The following KSR2 variants were observed in gnomAD, a reference collection of about 807,000 sequenced individuals.
KSR2 encodes kinase suppressor of ras 2.
KSR2 carries 25 observed loss-of-function variants against 107.8 expected under a neutral mutation model. That is an observed-to-expected ratio of 0.23 (90% CI 0.17 to 0.32). The LOEUF is 0.32. Ranked by LOEUF, KSR2 falls within the 10% of genes least tolerant of loss-of-function variation. The probability of loss-of-function intolerance (pLI) is 1.00; values close to 1 mark genes in which losing one functional copy is unlikely to be tolerated. For synonymous variants in KSR2, 480 were observed against 507.0 expected (o/e 0.95, Z 0.71); for missense variants, 887 against 1,268.9 (o/e 0.70, Z 4.57).
intron 3 of KSR2, among the ~76,000 whole-genome samples, chr12:117,794,172 G>A (rs377164058): frequency 0.013 from 462 of 36,006 alleles, 9 homozygotes; most frequent in Middle Eastern, 0.067. Context: ...ACCAACATGC[G>A]CACACACCAA....
At chr12:117,569,717 A>C (rs1878753763) in intron 7 of KSR2, among the ~76,000 whole-genome samples, 1 of 152,190 alleles carries the variant, frequency 6.6e-6, no homozygotes, top group African/African-American at 2.4e-5. Context: ...GTCCCAGGCA[A>C]ACTGGGATGG....
chr12:117,531,725 A>T lies in KSR2; in HGVS notation c.1688-18T>A, dbSNP rs1399593319. 1 of 1,596,038 alleles carries T rather than the reference A, an allele frequency of 6.3e-7. No individual in the cohort carries two copies. ...GTGGGATGCTTGCAAAAGAAAGAAAACATCAAAGTGAGTGTCCCCAGGGAG... is the reference window on the plus strand; with the variant it reads ...GTGGGATGCTTGCAAAAGAAAGAAATCATCAAAGTGAGTGTCCCCAGGGAG... On this transcript the variant is annotated intron_variant, in intron 10 of 19. Transcript: ENST00000339824.
intron 1 of KSR2, among the ~76,000 whole-genome samples, chr12:117,955,349 C>T (rs1340796989): frequency 6.6e-6 from 1 of 152,030 alleles, no homozygotes; most frequent in Non-Finnish European, 1.5e-5. Context: ...TGATCTCAAA[C>T]TCCTGAGTTC....
chr12:117,867,532 C>T (rs1391384071), intron 1 of KSR2, among the ~76,000 whole-genome samples: 9 of 152,156 alleles, frequency 5.9e-5, no homozygotes, highest in Non-Finnish European at 1.2e-4. Flanking sequence ...TTTTCAATGA[C>T]GCTGGCCATG....
At chr12:117,616,027 G>A (rs569033698) in intron 5 of KSR2, among the ~76,000 whole-genome samples, 35 of 151,996 alleles carry the variant, frequency 2.3e-4, no homozygotes, top group East Asian at 1.9e-3. Flanking sequence ...GGTGGCACAC[G>A]CCCATAGTCC....
intron 14 of KSR2, among the ~76,000 whole-genome samples, chr12:117,501,112 T>C (rs1407159721): frequency 6.6e-6 from 1 of 152,212 alleles, no homozygotes; most frequent in African/African-American, 2.4e-5. Context: ...CTTTAAATGG[T>C]TGAAACAATT....
intron 5 of KSR2, among the ~76,000 whole-genome samples, chr12:117,656,887 G>A (rs1394690072): frequency 1.4e-5 from 2 of 141,476 alleles, no homozygotes; most frequent in Non-Finnish European, 3.0e-5. Flanking sequence ...GATCATGTAA[G>A]TTAATACTTA....
At chr12:117,526,767 CG>C (rs1247236681) in intron 13 of KSR2, among the ~76,000 whole-genome samples, 1 of 152,170 alleles carries the variant, frequency 6.6e-6, no homozygotes, top group East Asian at 1.9e-4. Flanking sequence ...TTGAAGGCAG[CG>C]GGGCACATCC....
chr12:117,898,066 C>T (rs1481979605), intron 1 of KSR2, among the ~76,000 whole-genome samples: 3 of 152,120 alleles, frequency 2.0e-5, no homozygotes, highest in Non-Finnish European at 4.4e-5. Context: ...GTGAACGCGT[C>T]CAGCCTCCTG....
chr12:117,835,205 G>A lies in KSR2; in HGVS notation c.472+20223C>T, dbSNP rs142329369. Reference sequence around the variant, plus strand: ...CATCCTGCCTCCAGCCCTGAGCTCCGTCTGCTGTTGCCCCCTTTCATGGGT... The same window carrying A: ...CATCCTGCCTCCAGCCCTGAGCTCCATCTGCTGTTGCCCCCTTTCATGGGT... On this transcript the variant is annotated intron_variant, in intron 3 of 19. Coordinates refer to ENST00000339824, the MANE Select transcript of KSR2 (RefSeq NM_173598.6). Among the ~76,000 whole-genome samples, 298 of 152,298 alleles carry A rather than the reference G, an allele frequency of 2.0e-3. 1 individual carries two copies. The highest frequency in any genetic ancestry group is 2.3e-3 in the Non-Finnish European group (157 of 68,028).
chr12:117,947,191 GA>G (rs796859926), intron 1 of KSR2, among the ~76,000 whole-genome samples: 1 of 107,450 alleles, frequency 9.3e-6, no homozygotes, highest in Non-Finnish European at 1.9e-5. Context: ...AGAAAGAAAA[GA>G]AAGAAAAGAA....
At chr12:117,533,199 G>A (rs947247308) in intron 10 of KSR2, among the ~76,000 whole-genome samples, 4 of 152,302 alleles carry the variant, frequency 2.6e-5, no homozygotes, top group Middle Eastern at 3.4e-3. Flanking sequence ...TTATAGCCAC[G>A]AGACAATCAC....
chr12:117,674,187 A>C, intron 4 of KSR2: 1 of 439,046 alleles, frequency 2.3e-6, no homozygotes, highest in South Asian at 1.6e-5. Flanking sequence ...TCAAAACTAA[A>C]AGGATCCCGA....
At chr12:117,812,145 ATAGGGTAGTCAC>A (rs1891211142) in intron 3 of KSR2, among the ~76,000 whole-genome samples, 1 of 152,214 alleles carries the variant, frequency 6.6e-6, no homozygotes, top group South Asian at 2.1e-4. Flanking sequence ...GCCCTGTCCA[ATAGGGTAGTCAC>A]TAGACACATA....
At chr12:117,764,380 T>A (rs1334523366) in intron 3 of KSR2, among the ~76,000 whole-genome samples, 2 of 152,134 alleles carry the variant, frequency 1.3e-5, no homozygotes, top group African/African-American at 4.8e-5. Flanking sequence ...TCATTTTGAT[T>A]TCCATTTTGT....
intron 5 of KSR2, among the ~76,000 whole-genome samples, chr12:117,588,329 A>C (rs1331380464): frequency 6.6e-6 from 1 of 152,190 alleles, no homozygotes; most frequent in Non-Finnish European, 1.5e-5. Context: ...TCCCAAACCC[A>C]AGCAGGGGAG....
intron 4 of KSR2, among the ~76,000 whole-genome samples, chr12:117,688,546 C>T (rs523045): frequency 0.036 from 5,507 of 152,240 alleles, 154 homozygotes; most frequent in Middle Eastern, 0.11. Flanking sequence ...AATTCTACAC[C>T]GATAACATCA....
intron 3 of KSR2, among the ~76,000 whole-genome samples, chr12:117,844,872 C>T (rs1211885537): frequency 6.6e-6 from 1 of 152,190 alleles, no homozygotes; most frequent in Non-Finnish European, 1.5e-5. Flanking sequence ...CCTGGCCAGG[C>T]ACAGTGGCTC....
intron 4 of KSR2, among the ~76,000 whole-genome samples, chr12:117,691,852 C>T (rs895496604): frequency 4.6e-5 from 7 of 152,256 alleles, no homozygotes; most frequent in Admixed American, 3.9e-4. Flanking sequence ...CTGGGATAAA[C>T]ATTTCCCCTA....
Sources: gnomAD v4.1 joint callset for allele counts (sites outside exome capture counted in the v4.1 genomes callset) on GRCh38, gnomAD v4.1.1 for gene constraint, MANE v1.5 for transcripts, NCBI Gene and HGNC (gene_info 2026-07-23, HGNC 2026-07-21) for gene names.